KIF18A: variants seen among roughly 807,000 people sequenced by gnomAD.
The protein encoded by KIF18A is kinesin-like protein KIF18A.
Under a neutral mutation model 103.3 loss-of-function variants are expected in KIF18A, and 67 were observed. The observed-to-expected ratio is 0.65, with a 90% CI of 0.53 to 0.79. KIF18A has a LOEUF of 0.79. Among genes scored for constraint, KIF18A ranks in the 30% least tolerant of loss-of-function variants. KIF18A has a pLI of 0.00. For missense variants in KIF18A, 1,032 were observed against 1,062.5 expected, an observed-to-expected ratio of 0.97 and a Z score of 0.40; for synonymous variants, 367 against 355.5, an observed-to-expected ratio of 1.03 and a Z score of -0.36.
At chr11:28,036,173 T>G (rs759396682) in intron 14 of KIF18A, 44 bp downstream of exon 14, 1 of 1,286,016 alleles carries the variant, frequency 7.8e-7, no homozygotes, top group Non-Finnish European at 1.1e-6. Flanking sequence ...TAGTTGAAAG[T>G]CTATGTTAAA....
chr11:28,069,359 C>G lies in KIF18A; in HGVS notation c.1490G>C (p.Arg497Thr). 6.2e-7 allele frequency: 1 copy of G among 1,613,658 alleles called. No individual in the cohort carries two copies. Among genetic ancestry groups the G allele is most frequent in the Admixed American group, 1.7e-5 (1 of 59,966 alleles). Residue 497 changes from arginine to threonine, a missense_variant, in exon 11 of 17, where the codon AGG becomes ACG. Physicochemically the swap from Arg to Thr is moderately conservative, Grantham distance 71 (BLOSUM62 -1). Transcript: ENST00000263181. ...LKTRRSYLEK[R>T]REEELKQFDE... ...AAATTGCTTCAATTCCTCCTCCCTC[C>G]TTTTCTCCAGGTAGGAGCGACGAGT...
intron 6 of KIF18A, among the ~76,000 whole-genome samples, chr11:28,087,981 C>T (rs564419987): frequency 1.3e-5 from 2 of 152,050 alleles, no homozygotes; most frequent in Non-Finnish European, 2.9e-5. Context: ...GTAAGCACTT[C>T]TGGCATATGG....
intron 11 of KIF18A, 54 bp downstream of exon 11, chr11:28,069,205 T>C: frequency 7.3e-7 from 1 of 1,376,264 alleles, no homozygotes; most frequent in Non-Finnish European, 1.0e-6. Context: ...AAAGAACACA[T>C]TTTAGGAGCT....
At chr11:28,037,161 G>A (rs1452410321) in intron 13 of KIF18A, among the ~76,000 whole-genome samples, 1 of 151,474 alleles carries the variant, frequency 6.6e-6, no homozygotes, top group Non-Finnish European at 1.5e-5. Flanking sequence ...GGTGATGCTA[G>A]GGTTTGGGTG....
At chr11:28,044,563 T>C (rs1238164468) in intron 13 of KIF18A, among the ~76,000 whole-genome samples, 4 of 152,114 alleles carry the variant, frequency 2.6e-5, no homozygotes, top group African/African-American at 9.7e-5. Flanking sequence ...GAGTGTTCTA[T>C]TCATCTGTTC....
chr11:28,059,916 A>G (rs1305011801), intron 12 of KIF18A, among the ~76,000 whole-genome samples: 1 of 152,144 alleles, frequency 6.6e-6, no homozygotes, highest in Non-Finnish European at 1.5e-5. Flanking sequence ...ACATAACAAA[A>G]TAACAAAACC....
At chr11:28,065,562 A>T (rs1850908355) in intron 11 of KIF18A, among the ~76,000 whole-genome samples, 1 of 152,104 alleles carries the variant, frequency 6.6e-6, no homozygotes, top group African/African-American at 2.4e-5. Flanking sequence ...TTTATTAAAA[A>T]TCCAGACAAT....
At chr11:28,067,222 A>G (rs561285445) in intron 11 of KIF18A, among the ~76,000 whole-genome samples, 2 of 152,206 alleles carry the variant, frequency 1.3e-5, no homozygotes, top group South Asian at 4.1e-4. Flanking sequence ...TATTATTGCA[A>G]AATATTACTA....
chr11:28,024,850 A>G (rs1011524465), intron 15 of KIF18A, among the ~76,000 whole-genome samples: 2 of 152,032 alleles, frequency 1.3e-5, no homozygotes, highest in African/African-American at 2.4e-5. Context: ...AAGATACTAT[A>G]TAGTAATCCC....
intron 7 of KIF18A, among the ~76,000 whole-genome samples, chr11:28,083,453 G>A (rs1055986651): frequency 6.6e-6 from 1 of 151,928 alleles, no homozygotes; most frequent in Non-Finnish European, 1.5e-5. Context: ...ATTGAGAAAA[G>A]GTATTTATAA....
chr11:28,080,611 C>G (rs1851153805), intron 9 of KIF18A, among the ~76,000 whole-genome samples: 1 of 152,100 alleles, frequency 6.6e-6, no homozygotes, highest in East Asian at 1.9e-4. Context: ...TGTGTGTGCT[C>G]TGACGGCTCC....
At chr11:28,055,262 G>A (rs118157853) in intron 13 of KIF18A, among the ~76,000 whole-genome samples, 323 of 152,204 alleles carry the variant, frequency 2.1e-3, no homozygotes, top group Non-Finnish European at 2.9e-3. Flanking sequence ...AATAAAGATG[G>A]AGATAACTCA....
At chr11:28,029,160 T>C (rs1198903227) in intron 15 of KIF18A, among the ~76,000 whole-genome samples, 4 of 151,958 alleles carry the variant, frequency 2.6e-5, no homozygotes, top group Non-Finnish European at 5.9e-5. Context: ...AAAGAGGGAA[T>C]CCTCCCTAAC....
intron 2 of KIF18A, among the ~76,000 whole-genome samples, chr11:28,096,201 A>G (rs1037486652): frequency 1.4e-5 from 2 of 146,546 alleles, no homozygotes; most frequent in Non-Finnish European, 3.0e-5. Context: ...AAAAAAGACA[A>G]AGAGAAAGAA....
At chr11:28,023,938 GAAAT>G (rs950114858) in intron 15 of KIF18A, 88 bp from the exon 16 acceptor site, 1 of 550,754 alleles carries the variant, frequency 1.8e-6, no homozygotes, top group African/African-American at 1.9e-5. Flanking sequence ...AATGATTAAA[GAAAT>G]AAAACACAAA....
intron 13 of KIF18A, among the ~76,000 whole-genome samples, chr11:28,049,460 A>G (rs2133512878): frequency 6.6e-6 from 1 of 152,094 alleles, no homozygotes; most frequent in Admixed American, 6.6e-5. Flanking sequence ...TAAGACTGTA[A>G]ACGTTAAGAG....
At chr11:28,092,111 G>A (rs6484350) in intron 3 of KIF18A, among the ~76,000 whole-genome samples, 92,924 of 152,038 alleles carry the variant, frequency 0.61, 30,321 homozygotes, top group Admixed American at 0.75. Context: ...CACCGCGCCC[G>A]GCCCATTTTC....
chr11:28,025,753 G>T lies in KIF18A; in HGVS notation c.2505-1903C>A, dbSNP rs547615928. Among the ~76,000 whole-genome samples the T allele has an allele frequency of 6.6e-5, 10 of 151,972 alleles. No individual in the cohort carries two copies. The South Asian group carries it at 1.7e-3, about 25-fold the overall frequency. ...AGCGCAAGTTCAAATTATGTTAAAG[G>T]CTATACTGAAAAATCCAAAGACACT... On this transcript the variant is annotated intron_variant, in intron 15 of 16. Transcript: ENST00000263181.
intron 4 of KIF18A, among the ~76,000 whole-genome samples, 199 bp downstream of exon 4, chr11:28,091,209 AT>A (rs1300412745): frequency 6.6e-6 from 1 of 152,154 alleles, no homozygotes; most frequent in African/African-American, 2.4e-5. Flanking sequence ...TAAAAATAAA[AT>A]TTAAAAAATG....
Sources: allele counts gnomAD v4.1 joint callset (sites outside exome capture counted in the v4.1 genomes callset), GRCh38; gene constraint gnomAD v4.1.1; transcripts MANE v1.5; gene names NCBI Gene and HGNC (gene_info 2026-07-23, HGNC 2026-07-21).